The following ALKBH8 variants were observed in gnomAD, a reference collection of about 807,000 sequenced individuals.
The protein encoded by ALKBH8 is tRNA (carboxymethyluridine(34)-5-O)-methyltransferase ALKBH8.
Under a neutral mutation model 59.8 loss-of-function variants are expected in ALKBH8, and 36 were observed. The ratio of observed to expected loss-of-function variants is 0.60; its 90% confidence interval spans 0.46 to 0.79. The LOEUF (loss-of-function observed/expected upper bound fraction) is 0.79, where lower values mean the gene tolerates loss of function less well. Ranked by LOEUF, ALKBH8 falls within the 30% of genes least tolerant of loss-of-function variation. The pLI is 0.00. For missense variants in ALKBH8, 768 were observed against 801.0 expected (o/e 0.96, Z 0.50); for synonymous variants, 276 against 273.6 (o/e 1.01, Z -0.09).
intron 2 of ALKBH8, among the ~76,000 whole-genome samples, chr11:107,557,363 T>C (rs1485333966): frequency 6.6e-6 from 1 of 152,198 alleles, no homozygotes; most frequent in Non-Finnish European, 1.5e-5. Context: ...CACTTGCTTT[T>C]TGGCAAGACT....
At chr11:107,533,737 T>G (rs1863693453) in intron 7 of ALKBH8, among the ~76,000 whole-genome samples, 1 of 152,178 alleles carries the variant, frequency 6.6e-6, no homozygotes, top group African/African-American at 2.4e-5. Flanking sequence ...ATGGTTAGAT[T>G]ATTTGGTAAA....
At chr11:107,544,761 T>G (rs1389595985) in intron 7 of ALKBH8, among the ~76,000 whole-genome samples, 1 of 151,368 alleles carries the variant, frequency 6.6e-6, no homozygotes, top group Admixed American at 6.6e-5. Context: ...TTCCCACATC[T>G]ACATCAATAT....
At chr11:107,532,858 A>T (rs969596443) in intron 7 of ALKBH8, among the ~76,000 whole-genome samples, 1 of 152,220 alleles carries the variant, frequency 6.6e-6, no homozygotes, top group African/African-American at 2.4e-5. Flanking sequence ...TACATAAATT[A>T]TATAGACAAT....
In ALKBH8 at chr11:107,523,395, T is replaced by TA. The variant is rs1039966925; in HGVS notation, c.1031-841dup. Among the ~76,000 whole-genome samples, 8 of 151,684 alleles carry TA rather than the reference T, an allele frequency of 5.3e-5. No homozygotes were observed. The South Asian group carries it at 1.3e-3, about 24-fold the overall frequency. On this transcript the variant is annotated intron_variant, in intron 9 of 11. Transcript: ENST00000428149. ...TACAATCTCACTCATATATGGAATC[T>TA]AAAAAAAAGCTGATCTCACAGAATA...
At chr11:107,564,829 G>T (rs971639582) in intron 1 of ALKBH8, among the ~76,000 whole-genome samples, 1 of 152,044 alleles carries the variant, frequency 6.6e-6, no homozygotes, top group Non-Finnish European at 1.5e-5. Flanking sequence ...TGTCTCTATT[G>T]TTCACCCTGT....
chr11:107,550,735 C>T (rs1482495995), intron 6 of ALKBH8, among the ~76,000 whole-genome samples: 1 of 152,106 alleles, frequency 6.6e-6, no homozygotes, highest in East Asian at 1.9e-4. Flanking sequence ...TTAATAAAAC[C>T]CTTAAATTAA....
At chr11:107,557,600 C>T (rs1256369206) in intron 2 of ALKBH8, among the ~76,000 whole-genome samples, 1 of 152,080 alleles carries the variant, frequency 6.6e-6, no homozygotes, top group Non-Finnish European at 1.5e-5. Flanking sequence ...GGTACTATTA[C>T]CTCAAAGAAA....
intron 9 of ALKBH8, among the ~76,000 whole-genome samples, 173 bp downstream of exon 9, chr11:107,525,268 A>T (rs1033485221): frequency 2.2e-4 from 33 of 152,340 alleles, no homozygotes; most frequent in African/African-American, 7.7e-4. Flanking sequence ...CAAAGAATGT[A>T]AACTCTAATG....
Position 107,502,975 on chromosome 11 carries a change from G to C in ALKBH8, c.*1683C>G, listed in dbSNP as rs1046703985. Reference sequence around the variant, plus strand: ...CCCAAAATCCCACAGCTAATAAATGGCAGATCTAGAATTCAACTCTCAGGA... The same window carrying C: ...CCCAAAATCCCACAGCTAATAAATGCCAGATCTAGAATTCAACTCTCAGGA... On this transcript the variant is annotated 3_prime_UTR_variant, in exon 12 of 12. Transcript: ENST00000428149. 8.5e-5 allele frequency: 13 copies of C among 152,100 alleles called. No individual in the cohort carries two copies. The allele number at this position is 152,100 out of a possible 1,614,324, so 9.4% of individuals were successfully genotyped here. A position where few individuals can be genotyped will look rare whatever the true frequency, so the allele number is the denominator to read the frequency against.
At chr11:107,530,646 CACAG>C (rs1248101448) in intron 8 of ALKBH8, among the ~76,000 whole-genome samples, 2 of 125,404 alleles carry the variant, frequency 1.6e-5, no homozygotes, top group African/African-American at 5.8e-5. Context: ...CACACACACA[CACAG>C]AGTGATGTTA....
chr11:107,520,095 C>T (rs1863044932), intron 10 of ALKBH8, among the ~76,000 whole-genome samples: 2 of 152,166 alleles, frequency 1.3e-5, no homozygotes, highest in African/African-American at 4.8e-5. Context: ...GAGGTTGTCA[C>T]ATTCCTCCAA....
intron 1 of ALKBH8, among the ~76,000 whole-genome samples, chr11:107,562,348 CAG>C (rs890948442): frequency 2.1e-5 from 3 of 144,390 alleles, no homozygotes; most frequent in African/African-American, 7.7e-5. Flanking sequence ...GGCCTCAAAA[CAG>C]GAGATTTGTG....
intron 4 of ALKBH8, among the ~76,000 whole-genome samples, chr11:107,553,465 G>A (rs1414539136): frequency 6.6e-6 from 1 of 152,160 alleles, no homozygotes; most frequent in Middle Eastern, 3.4e-3. Flanking sequence ...TTGCCAATGA[G>A]CTAGAAAGAG....
chr11:107,514,708 CCTT>C (rs1476376795), intron 10 of ALKBH8, among the ~76,000 whole-genome samples: 1 of 152,106 alleles, frequency 6.6e-6, no homozygotes, highest in Non-Finnish European at 1.5e-5. Flanking sequence ...GTGCTTGCCT[CCTT>C]TTTTGTTACA....
At chr11:107,523,793 GGTTTCACCAT>G (rs1863234889) in intron 9 of ALKBH8, among the ~76,000 whole-genome samples, 1 of 151,556 alleles carries the variant, frequency 6.6e-6, no homozygotes, top group East Asian at 2.0e-4. Context: ...GGTAGAGACA[GGTTTCACCAT>G]GTTGGCCAGG....
intron 11 of ALKBH8, among the ~76,000 whole-genome samples, chr11:107,506,676 C>T (rs937259459): frequency 6.6e-6 from 1 of 152,010 alleles, no homozygotes; most frequent in Non-Finnish European, 1.5e-5. Context: ...ATACAGAAAA[C>T]AGTGTCAATC....
chr11:107,544,456 A>C (rs1591305707), intron 7 of ALKBH8, among the ~76,000 whole-genome samples: 1 of 152,330 alleles, frequency 6.6e-6, no homozygotes, highest in East Asian at 1.9e-4. Flanking sequence ...GCTGGCTTCC[A>C]AGAGATCCTG....
At chr11:107,529,145 G>A (rs372239199) in intron 8 of ALKBH8, among the ~76,000 whole-genome samples, 4 of 152,134 alleles carry the variant, frequency 2.6e-5, no homozygotes, top group South Asian at 2.1e-4. Flanking sequence ...TTACTGCTTC[G>A]TGACTTTGTA....
intron 10 of ALKBH8, among the ~76,000 whole-genome samples, chr11:107,514,673 C>T (rs1862784799): frequency 6.6e-6 from 1 of 152,152 alleles, no homozygotes; most frequent in Non-Finnish European, 1.5e-5. Flanking sequence ...CAATACCACT[C>T]AAATAATCTG....
Sources: allele counts gnomAD v4.1 joint callset (sites outside exome capture counted in the v4.1 genomes callset), GRCh38; gene constraint gnomAD v4.1.1; transcripts MANE v1.5; gene names NCBI Gene and HGNC (gene_info 2026-07-23, HGNC 2026-07-21).